The following PREX2 variants were observed in gnomAD, a reference collection of about 807,000 sequenced individuals.
PREX2 encodes the protein phosphatidylinositol-3,4,5-trisphosphate dependent Rac exchange factor 2, also known as phosphatidylinositol 3,4,5-trisphosphate-dependent Rac exchanger 2 protein.
A neutral mutation model predicts 203.2 loss-of-function variants in PREX2; 107 were observed. The ratio of observed to expected loss-of-function variants is 0.53; its 90% CI spans 0.45 to 0.62. The LOEUF (loss-of-function observed/expected upper bound fraction) is 0.62. Among genes scored for constraint, PREX2 ranks in the 20% least tolerant of loss-of-function variants. The probability of loss-of-function intolerance (pLI) is 0.00; values close to 1 mark genes in which losing one functional copy is unlikely to be tolerated. For missense variants in PREX2, 1,777 were observed against 1,955.9 expected, an observed-to-expected ratio of 0.91 and a Z score of 1.72; for synonymous variants, 672 against 663.6, an observed-to-expected ratio of 1.01 and a Z score of -0.19.
intron 34 of PREX2, among the ~76,000 whole-genome samples, chr8:68,150,533 A>G (rs184193362): frequency 2.7e-4 from 41 of 152,248 alleles, no homozygotes; most frequent in Non-Finnish European, 5.3e-4. Context: ...AAATTTGTGC[A>G]AGGAAGTACT....
intron 34 of PREX2, among the ~76,000 whole-genome samples, chr8:68,149,378 G>A (rs1289249612): frequency 6.6e-6 from 1 of 152,220 alleles, no homozygotes; most frequent in Non-Finnish European, 1.5e-5. Context: ...GCAGACAAAA[G>A]TGATACAGAT....
intron 19 of PREX2, 126 bp downstream of exon 19, chr8:68,087,935 T>A: frequency 2.7e-6 from 2 of 736,950 alleles, no homozygotes; most frequent in Non-Finnish European, 5.0e-6. Flanking sequence ...TTCACTGTAT[T>A]AACTCAATGG....
intron 20 of PREX2, among the ~76,000 whole-genome samples, 178 bp downstream of exon 20, chr8:68,090,893 G>A (rs1384721597): frequency 6.6e-6 from 1 of 152,142 alleles, no homozygotes; most frequent in African/African-American, 2.4e-5. Flanking sequence ...AATTGATTGT[G>A]TTTAAATGGT....
intron 17 of PREX2, chr8:68,082,674 T>C (rs1809565094): frequency 6.6e-6 from 1 of 152,388 alleles, no homozygotes; most frequent in Admixed American, 6.5e-5. Context: ...GAGAAGTGCA[T>C]GCTGGTTGGC....
At chr8:68,119,353 G>T (rs2129613076) in intron 27 of PREX2, 79 bp from the exon 28 acceptor site, 3 of 874,172 alleles carry the variant, frequency 3.4e-6, no homozygotes, top group South Asian at 1.4e-5. Context: ...ACATTTTATT[G>T]AATATTACAA....
At chr8:68,004,085 G>C (rs183198667) in intron 1 of PREX2, among the ~76,000 whole-genome samples, 5 of 152,132 alleles carry the variant, frequency 3.3e-5, no homozygotes, top group African/African-American at 9.7e-5. Flanking sequence ...TAACTCACCT[G>C]TGGGGAAGTG....
chr8:67,976,649 AGAGAGAGACGG>A (rs1806111361), intron 1 of PREX2, among the ~76,000 whole-genome samples: 5 of 100,240 alleles, frequency 5.0e-5, no homozygotes, highest in African/African-American at 1.6e-4. Flanking sequence ...AGAGACAGAG[AGAGAGAGACGG>A]GAGAGAGACA....
At chr8:67,964,249 C>T (rs917762799) in intron 1 of PREX2, among the ~76,000 whole-genome samples, 1 of 152,174 alleles carries the variant, frequency 6.6e-6, no homozygotes, top group African/African-American at 2.4e-5. Context: ...CACTCTCATC[C>T]CCACGACCAG....
Position 68,017,846 on chromosome 8 carries a change from G to T in PREX2, c.142G>T (p.Ala48Ser). 6.2e-7 allele frequency: 1 copy of T among 1,610,728 alleles called. No homozygotes were observed. Among genetic ancestry groups the T allele is most frequent in the South Asian group, 1.1e-5 (1 of 90,730 alleles). The part of the protein sequence containing the change: ...YVGTLEFLVS[A>S]FLHRMNQCAA... ...CATAATGTCTTCTTGTTTCATGCAG[G>T]CATTCTTACACAGAATGAACCAGTG... Residue 48 changes from alanine to serine, a missense_variant and splice_region_variant, in exon 2 of 40, where the codon GCA (alanine) becomes TCA (serine). By Grantham distance (99) the Ala-to-Ser change is moderately conservative. Transcript: ENST00000288368.
intron 13 of PREX2, among the ~76,000 whole-genome samples, chr8:68,071,380 C>T (rs754872092): frequency 7.2e-5 from 11 of 152,124 alleles, no homozygotes; most frequent in Admixed American, 4.6e-4. Context: ...TAATAGACTA[C>T]GCTTTTTCTT....
At chr8:68,034,848 T>C (rs1419023483) in intron 6 of PREX2, among the ~76,000 whole-genome samples, 1 of 152,124 alleles carries the variant, frequency 6.6e-6, no homozygotes, top group African/African-American at 2.4e-5. Context: ...CTTTTTGTCC[T>C]CTGTACGAGG....
At chr8:68,036,110 A>C (rs1267618815) in intron 6 of PREX2, among the ~76,000 whole-genome samples, 1 of 152,120 alleles carries the variant, frequency 6.6e-6, no homozygotes, top group Non-Finnish European at 1.5e-5. Flanking sequence ...CCTTAGATAG[A>C]ATAGGTCTGT....
intron 39 of PREX2, 73 bp downstream of exon 39, chr8:68,224,699 A>G (rs1393264704): frequency 9.1e-7 from 1 of 1,101,148 alleles, no homozygotes; most frequent in South Asian, 1.3e-5. Flanking sequence ...CCCTCCGCTA[A>G]TGCAACTGAT....
At chr8:68,202,058 A>C (rs1812516241) in intron 37 of PREX2, among the ~76,000 whole-genome samples, 1 of 150,908 alleles carries the variant, frequency 6.6e-6, no homozygotes, top group Admixed American at 6.6e-5. Flanking sequence ...GGCGCCCACC[A>C]CCCTGCCTAT....
chr8:68,022,233 T>G, intron 4 of PREX2, 93 bp downstream of exon 4: 1 of 699,946 alleles, frequency 1.4e-6, no homozygotes, highest in South Asian at 1.6e-5. Flanking sequence ...TAAAAATCTG[T>G]GGGATACCTC....
chr8:68,011,949 A>G (rs1807276788), intron 1 of PREX2, among the ~76,000 whole-genome samples: 1 of 152,196 alleles, frequency 6.6e-6, no homozygotes, highest in Admixed American at 6.5e-5. Context: ...AGTCATCTCA[A>G]TAAATTTTGT....
At chr8:68,043,030 A>T (rs1332309101) in intron 7 of PREX2, among the ~76,000 whole-genome samples, 1 of 152,116 alleles carries the variant, frequency 6.6e-6, no homozygotes, top group East Asian at 1.9e-4. Context: ...GTACCAACTT[A>T]CAAGAAATTC....
At chr8:68,125,286 T>C (rs1452298767) in intron 30 of PREX2, among the ~76,000 whole-genome samples, 1 of 152,122 alleles carries the variant, frequency 6.6e-6, no homozygotes, top group Non-Finnish European at 1.5e-5. Flanking sequence ...GGTTAGATCT[T>C]GGAACTTAAT....
At chr8:67,988,707 TCTC>T (rs1231023365) in intron 1 of PREX2, among the ~76,000 whole-genome samples, 1 of 152,152 alleles carries the variant, frequency 6.6e-6, no homozygotes, top group East Asian at 1.9e-4. Context: ...TTAGGGGCCT[TCTC>T]CTTGACCAGC....
Sources: gnomAD v4.1 joint callset for allele counts (sites outside exome capture counted in the v4.1 genomes callset) on GRCh38, gnomAD v4.1.1 for gene constraint, MANE v1.5 for transcripts, NCBI Gene and HGNC (gene_info 2026-07-23, HGNC 2026-07-21) for gene names.